The following RFX6 variants were observed in gnomAD, a reference collection of about 807,000 sequenced individuals.
The protein encoded by RFX6 is DNA-binding protein RFX6.
Under a neutral mutation model 110.8 loss-of-function variants are expected in RFX6, and 50 were observed. The ratio of observed to expected loss-of-function variants is 0.45; its 90% CI spans 0.36 to 0.57. The LOEUF (loss-of-function observed/expected upper bound fraction) is 0.57, where lower values mean the gene tolerates loss of function less well. Among genes scored for constraint, RFX6 ranks in the 20% least tolerant of loss-of-function variants. The probability of loss-of-function intolerance (pLI) is 0.00; values close to 1 mark genes in which losing one functional copy is unlikely to be tolerated. For missense variants in RFX6, 990 were observed against 1,127.0 expected, an observed-to-expected ratio of 0.88 and a Z score of 1.74; for synonymous variants, 383 against 411.2, an observed-to-expected ratio of 0.93 and a Z score of 0.83.
chr6:116,914,939 T>G (rs988397898), intron 7 of RFX6, among the ~76,000 whole-genome samples: 4 of 152,216 alleles, frequency 2.6e-5, no homozygotes, highest in African/African-American at 4.8e-5. Flanking sequence ...CACATAAATA[T>G]CAAGTAGTGT....
intron 2 of RFX6, among the ~76,000 whole-genome samples, chr6:116,880,152 C>G (rs954017097): frequency 1.3e-5 from 2 of 152,078 alleles, no homozygotes; most frequent in Non-Finnish European, 2.9e-5. Context: ...ATTTGCCAAC[C>G]TGAAGCTTGA....
chr6:116,906,251 C>A (rs1235025401), intron 6 of RFX6, among the ~76,000 whole-genome samples: 1 of 152,138 alleles, frequency 6.6e-6, no homozygotes, highest in South Asian at 2.1e-4. Context: ...CATGACAGTA[C>A]CATATTGTTT....
At chr6:116,898,558 C>T (rs1302916722) in intron 6 of RFX6, among the ~76,000 whole-genome samples, 3 of 151,950 alleles carry the variant, frequency 2.0e-5, no homozygotes, top group African/African-American at 7.3e-5. Context: ...AAAACAGGAA[C>T]AGTAAAGAAT....
chr6:116,920,541 G>T, intron 12 of RFX6, 87 bp downstream of exon 12: 1 of 1,105,692 alleles, frequency 9.0e-7, no homozygotes, highest in South Asian at 1.2e-5. Flanking sequence ...GGAGGAGCCT[G>T]TCCAGTGTGC....
In RFX6 at chr6:116,894,962, G is replaced by A. The variant is rs339342; in HGVS notation, c.645-218G>A. ...CTTTACTTGTCTCAAATCTCACCTGGCTTTTAAAAATATTATTCATTTACT... is the reference window on the plus strand; with the variant it reads ...CTTTACTTGTCTCAAATCTCACCTGACTTTTAAAAATATTATTCATTTACT... On this transcript the variant is annotated intron_variant, in intron 5 of 18. Coordinates refer to ENST00000332958, the MANE Select transcript of RFX6 (RefSeq NM_173560.4). Among the ~76,000 whole-genome samples, 123,024 of 152,010 alleles carry A rather than the reference G, an allele frequency of 0.81. 49,990 individuals are homozygous for A. Among genetic ancestry groups the A allele is most frequent in the East Asian group, 0.89 (4,624 of 5,182 alleles).
intron 17 of RFX6, among the ~76,000 whole-genome samples, chr6:116,927,758 T>TTTTC: frequency 6.7e-6 from 1 of 149,962 alleles, no homozygotes; most frequent in Admixed American, 6.6e-5. Flanking sequence ...TTTTTTTTTT[T>TTTTC]TTTTGAGACA....
At chr6:116,924,613 C>T in intron 14 of RFX6, 56 bp from the exon 15 acceptor site, 2 of 1,514,806 alleles carry the variant, frequency 1.3e-6, no homozygotes, top group South Asian at 1.1e-5. Flanking sequence ...CCTTCTCTTT[C>T]TCTCCCCTTT....
rs993984701 is a variant in RFX6, at chr6:116,928,382, T to C, written c.2399-377T>C. On this transcript the variant is annotated intron_variant, in intron 17 of 18. Transcript: ENST00000332958. ...CATGCATCTATACATGAAAGTAGTA[T>C]TTTTGTGACAGGCGATAGTGCTTTT... Among the ~76,000 whole-genome samples the C allele has an allele frequency of 3.3e-4, 50 of 152,220 alleles. 2 individuals are homozygous for C.
Position 116,922,131 on chromosome 6 carries a change from G to C in RFX6, c.1417G>C (p.Val473Leu). ...TTTTATTGAATGGTTGGATACTGTGGTAGAACAGAGAGTTATTAAGGTACT... is the reference window on the plus strand; with the variant it reads ...TTTTATTGAATGGTTGGATACTGTGCTAGAACAGAGAGTTATTAAGGTACT... Reference protein sequence around the residue: ...EAFIEWLDTVVEQRVIKTSKQ... With the variant: ...EAFIEWLDTVLEQRVIKTSKQ... Residue 473 changes from valine to leucine, a missense_variant, in exon 13 of 19, where the codon GTA becomes CTA. Val to Leu is a conservative substitution (Grantham distance 32, BLOSUM62 1). Around this residue, in one of 5 missense-constraint regions of RFX6, gnomAD observed 89 missense variants for 140.3 expected, o/e 0.63. Coordinates refer to ENST00000332958, the MANE Select transcript of RFX6 (RefSeq NM_173560.4). 3 of 1,456,098 alleles carry C rather than the reference G, an allele frequency of 2.1e-6. No individual in the cohort carries two copies. Among genetic ancestry groups the C allele is most frequent in the Middle Eastern group, 1.7e-4 (1 of 5,770 alleles). The allele number at this position is 1,456,098 out of a possible 1,614,324, so 90.2% of individuals were successfully genotyped here. A position where few individuals can be genotyped will look rare whatever the true frequency, so the allele number is the denominator to read the frequency against.
intron 6 of RFX6, among the ~76,000 whole-genome samples, chr6:116,898,388 G>T (rs1378910579): frequency 1.3e-5 from 2 of 152,080 alleles, no homozygotes; most frequent in African/African-American, 4.8e-5. Context: ...GGTGTGCAGT[G>T]GCACAATCTT....
At chr6:116,902,562 A>G (rs897910463) in intron 6 of RFX6, among the ~76,000 whole-genome samples, 2 of 152,092 alleles carry the variant, frequency 1.3e-5, no homozygotes, top group African/African-American at 4.8e-5. Flanking sequence ...AAACTTAATT[A>G]TAATATTTTC....
At chr6:116,893,106 A>G (rs1309493498) in intron 4 of RFX6, among the ~76,000 whole-genome samples, 3 of 152,136 alleles carry the variant, frequency 2.0e-5, no homozygotes, top group Non-Finnish European at 4.4e-5. Flanking sequence ...CTGATCCTAG[A>G]TGAATGCAAA....
intron 6 of RFX6, among the ~76,000 whole-genome samples, chr6:116,908,490 C>T (rs75785757): frequency 6.6e-6 from 1 of 151,798 alleles, no homozygotes; most frequent in Non-Finnish European, 1.5e-5. Flanking sequence ...ATTACTTTTT[C>T]GAGTTCATTA....
At chr6:116,900,717 C>T (rs1775050201) in intron 6 of RFX6, among the ~76,000 whole-genome samples, 1 of 151,908 alleles carries the variant, frequency 6.6e-6, no homozygotes, top group Admixed American at 6.6e-5. Flanking sequence ...TTATTGATTA[C>T]AGTGAGAAAC....
intron 13 of RFX6, 73 bp downstream of exon 13, chr6:116,922,224 G>A: frequency 1.2e-6 from 1 of 819,882 alleles, no homozygotes; most frequent in East Asian, 2.5e-5. Context: ...ATAATTTTTT[G>A]TCTGGGGGGA....
intron 17 of RFX6, 60 bp downstream of exon 17, chr6:116,927,599 C>T: frequency 1.5e-6 from 2 of 1,356,780 alleles, no homozygotes; most frequent in Non-Finnish European, 2.1e-6. Flanking sequence ...CAAAATCAGA[C>T]ATTGCGTTCC....
At chr6:116,919,445 A>T (rs1444510042) in intron 11 of RFX6, 149 bp downstream of exon 11, 12 of 747,038 alleles carry the variant, frequency 1.6e-5, no homozygotes, top group Non-Finnish European at 2.9e-5. Context: ...GAATGCTATG[A>T]TAGAAAAAGC....
chr6:116,898,163 G>A (rs1230001364), intron 6 of RFX6, among the ~76,000 whole-genome samples: 1 of 152,140 alleles, frequency 6.6e-6, no homozygotes, highest in Non-Finnish European at 1.5e-5. Flanking sequence ...GATAAGGAGT[G>A]GAAAGGATCC....
intron 5 of RFX6, among the ~76,000 whole-genome samples, chr6:116,894,508 A>G (rs339341): frequency 0.29 from 44,102 of 151,982 alleles, 6,581 homozygotes; most frequent in South Asian, 0.38. Context: ...TACTTTGACC[A>G]TCCTCTTACC....
Sources: gnomAD v4.1 joint callset for allele counts (sites outside exome capture counted in the v4.1 genomes callset) on GRCh38, gnomAD v4.1.1 for gene constraint, gnomAD v4.1.1 regional missense constraint, MANE v1.5 for transcripts, NCBI Gene and HGNC (gene_info 2026-07-23, HGNC 2026-07-21) for gene names.